The following ST3GAL6 variants were observed in gnomAD, a reference collection of about 807,000 sequenced individuals.
ST3GAL6 encodes the protein type 2 lactosamine alpha-2,3-sialyltransferase.
In ST3GAL6, 31 loss-of-function variants were observed where a neutral mutation model predicts 40.5. That is an observed-to-expected ratio of 0.77 (90% CI 0.58 to 1.03). The LOEUF is 1.03. Ranked by LOEUF, ST3GAL6 falls within the 50% of genes least tolerant of loss-of-function variation. ST3GAL6 has a pLI of 0.00. For missense variants in ST3GAL6, 357 were observed against 393.2 expected (o/e 0.91, Z 0.78); for synonymous variants, 129 against 136.9 (o/e 0.94, Z 0.40).
chr3:98,767,914 T>C (rs1311184374), intron 1 of ST3GAL6, among the ~76,000 whole-genome samples: 1 of 152,192 alleles, frequency 6.6e-6, no homozygotes, highest in African/African-American at 2.4e-5. Flanking sequence ...GGAAATGTTT[T>C]TTCAGTAGCT....
chr3:98,791,364 A>C (rs1227153657), intron 8 of ST3GAL6, among the ~76,000 whole-genome samples: 1 of 152,222 alleles, frequency 6.6e-6, no homozygotes, highest in African/African-American at 2.4e-5. Flanking sequence ...TTAAATGGTG[A>C]GTATAAAATA....
Position 98,768,530 on chromosome 3 carries a change from G to T in ST3GAL6, c.89+1G>T. The T allele has an allele frequency of 6.2e-7, 1 of 1,601,242 alleles. No homozygotes were observed. The highest frequency in any genetic ancestry group is 8.6e-7 in the Non-Finnish European group (1 of 1,169,196). ...TATTATGGGGAACGAATGTCTATTG[G>T]TAAGTTTCATTTTGTTATTTAAAAA... On this transcript the variant is annotated splice_donor_variant, in intron 2 of 9. Coordinates refer to ENST00000483910, the MANE Select transcript of ST3GAL6 (RefSeq NM_001323368.2). LOFTEE classifies it high-confidence loss of function.
At chr3:98,770,764 G>T in intron 2 of ST3GAL6, 115 bp from the exon 3 acceptor site, 1 of 841,242 alleles carries the variant, frequency 1.2e-6, no homozygotes, top group Non-Finnish European at 2.0e-6. Context: ...GAGTATTTTT[G>T]TTTGCTGCCA....
intron 1 of ST3GAL6, among the ~76,000 whole-genome samples, chr3:98,734,154 C>T (rs756485813): frequency 7.9e-5 from 12 of 152,198 alleles, no homozygotes; most frequent in Non-Finnish European, 1.6e-4. Context: ...ATCTTCCTCA[C>T]CTAGCTGCAG....
intron 5 of ST3GAL6, among the ~76,000 whole-genome samples, chr3:98,781,180 G>T (rs1350824750): frequency 6.6e-6 from 1 of 152,140 alleles, no homozygotes; most frequent in Non-Finnish European, 1.5e-5. Context: ...CCTTTGCAGG[G>T]ACATGGATGA....
At chr3:98,776,499 G>A (rs1322825230) in intron 5 of ST3GAL6, among the ~76,000 whole-genome samples, 2 of 152,214 alleles carry the variant, frequency 1.3e-5, no homozygotes, top group East Asian at 1.9e-4. Flanking sequence ...GGGCCCACAC[G>A]TCCAAGGAGG....
At chr3:98,775,454 G>A (rs1214365941) in intron 5 of ST3GAL6, among the ~76,000 whole-genome samples, 1 of 142,432 alleles carries the variant, frequency 7.0e-6, no homozygotes, top group Non-Finnish European at 1.5e-5. Context: ...CAGCTTGGGC[G>A]ACAGAGCAAG....
In ST3GAL6 at chr3:98,788,047, G is replaced by A. The variant is rs754064445; in HGVS notation, c.443G>A (p.Gly148Asp). ...TTTACTATCCACAGAATGAATAATGGTCCTGTTTTAGGACATGAAGAAGAA... is the reference window on the plus strand; with the variant it reads ...TTTACTATCCACAGAATGAATAATGATCCTGTTTTAGGACATGAAGAAGAA... Reference protein sequence around the residue: ...SYDVIIRMNNGPVLGHEEEVG... With the variant: ...SYDVIIRMNNDPVLGHEEEVG... The change falls in exon 7 of 10, where the codon GGT becomes GAT. Residue 148 changes from glycine (G) to aspartate (D), a missense_variant. Physicochemically the swap from Gly to Asp is moderately conservative, Grantham distance 94 (BLOSUM62 -1). Coordinates refer to ENST00000483910, the MANE Select transcript of ST3GAL6 (RefSeq NM_001323368.2). The A allele has an allele frequency of 2.2e-5, 36 of 1,613,024 alleles. No homozygotes were observed. In the Admixed American group the frequency reaches 6.0e-4, roughly 27 times the overall value.
intron 1 of ST3GAL6, among the ~76,000 whole-genome samples, chr3:98,734,913 A>G (rs992426518): frequency 6.6e-6 from 1 of 152,106 alleles, no homozygotes; most frequent in African/African-American, 2.4e-5. Flanking sequence ...GAGTAATGCC[A>G]TGTTTCCCGC....
intron 1 of ST3GAL6, among the ~76,000 whole-genome samples, chr3:98,764,147 G>A (rs183046708): frequency 6.6e-6 from 1 of 152,282 alleles, no homozygotes; most frequent in East Asian, 1.9e-4. Flanking sequence ...TACCCACCGG[G>A]TTTTTCTATT....
At chr3:98,732,928 C>T in intron 1 of ST3GAL6, 2 of 1,509,244 alleles carry the variant, frequency 1.3e-6, no homozygotes, top group Non-Finnish European at 1.8e-6. Context: ...GTCTCGGAGC[C>T]CGGTGCGCCT....
chr3:98,756,480 TC>T, intron 1 of ST3GAL6: 1 of 1,289,010 alleles, frequency 7.8e-7, no homozygotes. Context: ...GGTCCCTCTT[TC>T]GCAAATTCTC....
chr3:98,786,345 A>C (rs1394741394), intron 6 of ST3GAL6, among the ~76,000 whole-genome samples: 2 of 152,182 alleles, frequency 1.3e-5, no homozygotes, highest in East Asian at 3.9e-4. Flanking sequence ...GTAAGAAGAA[A>C]ATCGGGAGAA....
upstream of ST3GAL6, among the ~76,000 whole-genome samples, chr3:98,759,967 TAAAAACA>T (rs762432332): frequency 8.0e-4 from 122 of 152,042 alleles, 1 homozygote; most frequent in Admixed American, 2.2e-3. Context: ...TCCAGGGAAT[TAAAAACA>T]AAAAACAAAA....
In ST3GAL6 at chr3:98,784,908, G is replaced by C; in HGVS notation, c.336-37G>C. 4 of 1,526,106 alleles carry C rather than the reference G, an allele frequency of 2.6e-6. 1 individual carries two copies. In the South Asian group the frequency reaches 4.6e-5, roughly 17 times the overall value. The allele number at this position is 1,526,106 out of a possible 1,614,324, so 94.5% of individuals were successfully genotyped here. On this transcript the variant is annotated intron_variant, in intron 5 of 9. Coordinates refer to ENST00000483910, the MANE Select transcript of ST3GAL6 (RefSeq NM_001323368.2). ...GATTCTTGGAATCAGTTTTGTAAAAGATGGCTCAATCTCTCACTTGTCCAT... is the reference window on the plus strand; with the variant it reads ...GATTCTTGGAATCAGTTTTGTAAAACATGGCTCAATCTCTCACTTGTCCAT...
rs149780418 is a variant in ST3GAL6, at chr3:98,748,252, C to T, written c.-12+15720C>T. Reference sequence around the variant, plus strand: ...GAATAAGGACCCTGGCAGCAAACTGCCTAAGAGCAAACCAGCCTTGATACC... The same window carrying T: ...GAATAAGGACCCTGGCAGCAAACTGTCTAAGAGCAAACCAGCCTTGATACC... On this transcript the variant is annotated intron_variant, in intron 1 of 9. Coordinates refer to the ST3GAL6 transcript ENST00000265261. 6.9e-4 allele frequency among the ~76,000 whole-genome samples: 105 copies of T among 152,276 alleles called. 1 individual carries two copies. In the East Asian group the frequency reaches 0.019, roughly 27 times the overall value.
chr3:98,772,685 A>C (rs1939122049), intron 3 of ST3GAL6, 128 bp from the exon 4 acceptor site: 1 of 521,460 alleles, frequency 1.9e-6, no homozygotes, highest in African/African-American at 1.9e-5. Context: ...ATTAAAAAAA[A>C]TTATACATTT....
intron 1 of ST3GAL6, among the ~76,000 whole-genome samples, chr3:98,740,059 T>G (rs1019295546): frequency 2.0e-5 from 3 of 152,202 alleles, no homozygotes; most frequent in African/African-American, 4.8e-5. Flanking sequence ...TAGCTAATTA[T>G]TATTCTTTTA....
At chr3:98,732,788 A>G in intron 1 of ST3GAL6, 3 of 1,365,798 alleles carry the variant, frequency 2.2e-6, no homozygotes, top group Non-Finnish European at 2.9e-6. Context: ...TCCGCGGGGA[A>G]GGAATCGTGC....
Sources: gnomAD v4.1 joint callset for allele counts (sites outside exome capture counted in the v4.1 genomes callset) on GRCh38, gnomAD v4.1.1 for gene constraint, MANE v1.5 for transcripts, NCBI Gene and HGNC (gene_info 2026-07-23, HGNC 2026-07-21) for gene names.